Variants in PARP9 observed in about 807,000 individuals in gnomAD.
PARP9 encodes the protein poly(ADP-ribose) polymerase family member 9, also known as protein mono-ADP-ribosyltransferase PARP9.
In PARP9, 48 loss-of-function variants were observed where a neutral mutation model predicts 68.8. The observed-to-expected ratio is 0.70, with a 90% CI of 0.55 to 0.89. The LOEUF (loss-of-function observed/expected upper bound fraction) is 0.89. PARP9 is among the 40% of genes least tolerant of loss of function. PARP9 has a pLI of 0.00. For missense variants in PARP9, 806 were observed against 969.3 expected (o/e 0.83, Z 2.24); for synonymous variants, 309 against 333.8 (o/e 0.93, Z 0.81).
intron 10 of PARP9, among the ~76,000 whole-genome samples, chr3:122,529,169 C>T (rs1241978628): frequency 1.4e-5 from 2 of 140,972 alleles, no homozygotes; most frequent in Non-Finnish European, 3.0e-5. Context: ...ACCCAGGAGT[C>T]GGAGGTTGTA....
intron 10 of PARP9, chr3:122,531,936 G>C (rs961946101): frequency 6.4e-6 from 1 of 155,944 alleles, no homozygotes; most frequent in African/African-American, 2.4e-5. Flanking sequence ...AGAGCTCTTG[G>C]GGGAGCTTGG....
intron 10 of PARP9, chr3:122,532,401 C>T (rs961834218): frequency 2.0e-6 from 2 of 985,152 alleles, no homozygotes; most frequent in African/African-American, 3.5e-5. Flanking sequence ...CCCACAATGC[C>T]TCTCCCAGCA....
At chr3:122,545,904 G>T (rs1295755255) in intron 6 of PARP9, 1 of 167,080 alleles carries the variant, frequency 6.0e-6, no homozygotes, top group African/African-American at 2.4e-5. Context: ...TCTGTAAATT[G>T]AATAATAAAA....
At position 122,528,629 on chromosome 3, in the gene PARP9, A is replaced by C; in HGVS notation, c.2195T>G (p.Leu732Arg). 1 of 1,614,222 alleles carries C rather than the reference A, an allele frequency of 6.2e-7. No homozygotes were observed. ...KLIYVFEAEV[L>R]TGFFCQGHPL... The stretch of plus-strand genomic sequence containing the variant: ...ATGTCCCTGGCAGAAGAAGCCTGTG[A>C]GTACTTCAGCCTCAAACACATAGAT... The change falls in exon 11 of 11, where the codon CTC (leucine) becomes CGC (arginine). Residue 732 changes from leucine (L) to arginine (R), a missense_variant. By Grantham distance (102) the Leu-to-Arg change is moderately radical. Coordinates refer to ENST00000682323, the MANE Select transcript of PARP9 (RefSeq NM_001146105.2).
At chr3:122,554,474 T>C (rs1202071105) in intron 4 of PARP9, among the ~76,000 whole-genome samples, 2 of 152,304 alleles carry the variant, frequency 1.3e-5, no homozygotes, top group South Asian at 2.1e-4. Context: ...GGATCAAAGA[T>C]TGTTCTAATT....
chr3:122,556,140 TTAAAAAA>T lies in PARP9; in HGVS notation c.50-26_50-20del, dbSNP rs1342258379. 3.2e-5 allele frequency: 3 copies of T among 92,786 alleles called. No individual in the cohort carries two copies. The East Asian group carries it at 4.2e-4, about 13-fold the overall frequency. The allele number at this position is 92,786 out of a possible 1,614,324, so 5.7% of individuals were successfully genotyped here. The stretch of plus-strand genomic sequence containing the variant: ...CCAGTCTCTGGAAAAGAAGAGAAGA[TTAAAAAA>T]AAAAAAAAAAAAAAAAAAAAAAAAA... On this transcript the variant is annotated intron_variant, in intron 3 of 10. Transcript: ENST00000682323.
chr3:122,534,438 C>T, intron 10 of PARP9: 14 of 985,458 alleles, frequency 1.4e-5, no homozygotes, highest in Non-Finnish European at 1.7e-5. Context: ...TGTTCGGCAG[C>T]ATGTAGATAA....
chr3:122,559,582 C>T (rs879084826), intron 2 of PARP9, 24 bp downstream of exon 2: 15 of 1,582,880 alleles, frequency 9.5e-6, no homozygotes, highest in East Asian at 2.3e-5. Flanking sequence ...AGGTTCATGA[C>T]GTATACACAT....
intron 8 of PARP9, 74 bp from the exon 9 acceptor site, chr3:122,537,147 C>T: frequency 6.9e-7 from 1 of 1,454,964 alleles, no homozygotes. Flanking sequence ...GAAACAAATT[C>T]TAGAAATTTA....
chr3:122,535,222 T>C, intron 10 of PARP9: 1 of 985,464 alleles, frequency 1.0e-6, no homozygotes, highest in Non-Finnish European at 1.2e-6. Flanking sequence ...ATCATCACTT[T>C]CCTGATTGCC....
rs1471944447 is a variant in PARP9 at position 122,555,880 on chromosome 3, A to C, written c.291T>G (p.Val97=). Residue 97 remains valine (V), a synonymous_variant, in exon 4 of 11, where the codon GTT becomes GTG. Transcript: ENST00000682323. Reference sequence around the variant, plus strand: ...CATTGGCTGCATTCACCACAGCATCAACAGCATGTGTGGTGAGGTCATCTT... The same window carrying C: ...CATTGGCTGCATTCACCACAGCATCCACAGCATGTGTGGTGAGGTCATCTT... ...VWKDDLTTHA[V]DAVVNAANED... The C allele has an allele frequency of 2.5e-6, 4 of 1,614,096 alleles. No homozygotes were observed. Among genetic ancestry groups the C allele is most frequent in the Non-Finnish European group, 3.4e-6 (4 of 1,180,014 alleles).
chr3:122,536,840 C>T, intron 9 of PARP9, 94 bp downstream of exon 9: 2 of 1,432,008 alleles, frequency 1.4e-6, no homozygotes, highest in South Asian at 1.4e-5. Context: ...GAGCAGCCAG[C>T]TTAGAATCAT....
rs1553714534 is a variant in PARP9 at position 122,539,507 on chromosome 3, A to ATTCCTTTC, written c.1765+964_1765+965insGAAAGGAA. On this transcript the variant is annotated intron_variant, in intron 8 of 10. Transcript: ENST00000682323. ...CTCTATCTCTATCTCCCAAGATGGC[A>ATTCCTTTC]TTTCTTTCTTTCTTTCTTTCTTTCT... 6.8e-4 allele frequency among the ~76,000 whole-genome samples: 90 copies of ATTCCTTTC among 133,232 alleles called. 1 individual carries two copies. The highest frequency in any genetic ancestry group is 4.8e-3 in the East Asian group (22 of 4,592). The allele number at this position is 133,232 out of a possible 152,430, so 87.4% of individuals were successfully genotyped here.
chr3:122,547,036 A>T (rs1010825007), intron 6 of PARP9, among the ~76,000 whole-genome samples: 2 of 143,226 alleles, frequency 1.4e-5, no homozygotes, highest in African/African-American at 2.5e-5. Flanking sequence ...ATACACACAC[A>T]TATACATACA....
At chr3:122,544,303 T>A (rs551941138) in intron 7 of PARP9, among the ~76,000 whole-genome samples, 1 of 152,358 alleles carries the variant, frequency 6.6e-6, no homozygotes, top group South Asian at 2.1e-4. Context: ...AGTTTGTCTA[T>A]CTTCCCAGTC....
At chr3:122,556,522 A>G (rs2079684872) in intron 3 of PARP9, among the ~76,000 whole-genome samples, 1 of 152,226 alleles carries the variant, frequency 6.6e-6, no homozygotes, top group Non-Finnish European at 1.5e-5. Flanking sequence ...CTTAATTATG[A>G]GCCAAAATAG....
chr3:122,558,667 C>T (rs2079924085), intron 2 of PARP9, among the ~76,000 whole-genome samples, 200 bp from the exon 3 acceptor site: 1 of 152,064 alleles, frequency 6.6e-6, no homozygotes, highest in Non-Finnish European at 1.5e-5. Context: ...AAACATTGGC[C>T]CTATGTCATT....
At chr3:122,548,512 T>A (rs1038772191) in intron 6 of PARP9, among the ~76,000 whole-genome samples, 2 of 152,234 alleles carry the variant, frequency 1.3e-5, no homozygotes, top group African/African-American at 4.8e-5. Context: ...TTCCTTTTTA[T>A]TCTTCCCTAA....
intron 1 of PARP9, among the ~76,000 whole-genome samples, chr3:122,560,677 C>T (rs2080129015): frequency 1.3e-5 from 2 of 152,124 alleles, no homozygotes; most frequent in South Asian, 2.1e-4. Context: ...TGAGCGACCG[C>T]GCCTGGTCGA....
Sources: gnomAD v4.1 joint callset for allele counts (sites outside exome capture counted in the v4.1 genomes callset) on GRCh38, gnomAD v4.1.1 for gene constraint, MANE v1.5 for transcripts, NCBI Gene and HGNC (gene_info 2026-07-23, HGNC 2026-07-21) for gene names.